COL18A1: variants seen among roughly 807,000 people sequenced by gnomAD.
COL18A1 encodes collagen type XVIII alpha 1 chain.
In COL18A1, 133 loss-of-function variants were observed where a neutral mutation model predicts 168.0. The observed-to-expected ratio is 0.79, with a 90% confidence interval of 0.69 to 0.91. The LOEUF is 0.91. Among genes scored for constraint, COL18A1 ranks in the 40% least tolerant of loss-of-function variants. COL18A1 has a pLI of 0.00. For missense variants in COL18A1, 2,126 were observed against 1,925.4 expected, an observed-to-expected ratio of 1.10 and a Z score of -1.95; for synonymous variants, 949 against 809.0, an observed-to-expected ratio of 1.17 and a Z score of -2.94.
In COL18A1 at chr21:45,481,853, T is replaced by TCTGTGTC. The variant is rs1425260598; in HGVS notation, c.1612-106_1612-100dup. On this transcript the variant is annotated intron_variant, in intron 13 of 41. Transcript: ENST00000651438. ...CTCTGGCCCTGTGTCTGGGGAACGT[T>TCTGTGTC]CTGTGTCCTGCCTTCTGGAAACCTG... is the stretch of plus-strand genomic sequence containing the variant. 6 of 799,040 alleles carry TCTGTGTC rather than the reference T, an allele frequency of 7.5e-6. No individual in the cohort carries two copies. The Admixed American group carries it at 7.9e-5, about 11-fold the overall frequency. The allele number at this position is 799,040 out of a possible 1,614,324, so 49.5% of individuals were successfully genotyped here.
chr21:45,507,251 C>T, intron 37 of COL18A1: 1 of 450,210 alleles, frequency 2.2e-6, no homozygotes, highest in East Asian at 4.2e-5. Context: ...GAGGTGGGTG[C>T]TGGGCAGGGA....
At chr21:45,478,097 C>T in intron 8 of COL18A1, 132 bp downstream of exon 8, 1 of 740,528 alleles carries the variant, frequency 1.4e-6, no homozygotes, top group Non-Finnish European at 2.3e-6. Flanking sequence ...TCCTTAGGCC[C>T]ACCGTTGCTC....
rs1206488535 is a variant in COL18A1 at position 45,509,373 on chromosome 21, C to G, written c.3267C>G (p.Ala1089=). 6.5e-7 allele frequency: 1 copy of G among 1,543,864 alleles called. No homozygotes were observed. Among genetic ancestry groups the G allele is most frequent in the African/African-American group, 1.4e-5 (1 of 72,982 alleles). Reference sequence around the variant, plus strand: ...ACCTGCAGGACAATGAAGTGGCCGCCTTGCAGCCCCCCGTGGTGCAGCTGC... The same window carrying G: ...ACCTGCAGGACAATGAAGTGGCCGCGTTGCAGCCCCCCGTGGTGCAGCTGC... The part of the protein sequence containing the change: ...LPRGTDNEVA[A]LQPPVVQLHD... The change falls in exon 39 of 42, where the codon GCC becomes GCG. Residue 1089 remains alanine (A), a synonymous_variant. Coordinates refer to ENST00000651438, the MANE Select transcript of COL18A1 (RefSeq NM_001379500.1).
chr21:45,447,811 C>A (rs1170194599), intron 2 of COL18A1, among the ~76,000 whole-genome samples: 1 of 152,114 alleles, frequency 6.6e-6, no homozygotes, highest in African/African-American at 2.4e-5. Context: ...ACATTGAGGT[C>A]TTTTGGTTCG....
chr21:45,495,033 C>A lies in COL18A1; in HGVS notation c.2433+118C>A, dbSNP rs935186958. The A allele has an allele frequency of 8.7e-6, 8 of 919,506 alleles. No homozygotes were observed. The African/African-American group carries it at 1.2e-4, about 13-fold the overall frequency. The allele number at this position is 919,506 out of a possible 1,614,324, so 57.0% of individuals were successfully genotyped here. On this transcript the variant is annotated intron_variant, in intron 28 of 41. Transcript: ENST00000651438. ...GTGGACGGCCGCCGCACCCACTGTCCTCCCCCAAGAACCGGCCCTGCCTGA... is the reference window on the plus strand; with the variant it reads ...GTGGACGGCCGCCGCACCCACTGTCATCCCCCAAGAACCGGCCCTGCCTGA...
chr21:45,470,759 T>C (rs1417936327), intron 3 of COL18A1, among the ~76,000 whole-genome samples: 1 of 152,222 alleles, frequency 6.6e-6, no homozygotes, highest in African/African-American at 2.4e-5. Context: ...AGTGCTGGGA[T>C]TACAGGCGTG....
intron 13 of COL18A1, 103 bp from the exon 14 acceptor site, chr21:45,481,860 C>G: frequency 1.2e-6 from 1 of 831,006 alleles, no homozygotes; most frequent in Non-Finnish European, 2.1e-6. Context: ...CGTTCTGTGT[C>G]CTGCCTTCTG....
chr21:45,496,903 C>G, intron 30 of COL18A1, 147 bp from the exon 31 acceptor site: 1 of 707,686 alleles, frequency 1.4e-6, no homozygotes, highest in Non-Finnish European at 2.6e-6. Context: ...CTCTCCGTAC[C>G]CCTGTTCCCT....
intron 2 of COL18A1, chr21:45,409,884 G>C (rs1045285828): frequency 6.6e-6 from 1 of 152,304 alleles, no homozygotes; most frequent in Admixed American, 6.5e-5. Flanking sequence ...CCCAGGCAGG[G>C]AGCTGATCTG....
At chr21:45,437,982 ACT>A (rs1163928123) in intron 2 of COL18A1, among the ~76,000 whole-genome samples, 1 of 77,524 alleles carries the variant, frequency 1.3e-5, no homozygotes, top group Non-Finnish European at 2.3e-5. Flanking sequence ...ACACTCACAC[ACT>A]CAGACACACA....
At chr21:45,456,806 G>A (rs550586818) in intron 2 of COL18A1, 13 of 1,538,534 alleles carry the variant, frequency 8.4e-6, no homozygotes, top group East Asian at 2.5e-5. Context: ...CCTGGGCGGG[G>A]GCCGGCTGCC....
At chr21:45,492,663 C>G in intron 23 of COL18A1, 24 bp from the exon 24 acceptor site, 1 of 1,611,484 alleles carries the variant, frequency 6.2e-7, no homozygotes, top group African/African-American at 1.3e-5. Flanking sequence ...ATGACCCCAG[C>G]TGACGCCGTC....
At position 45,489,540 on chromosome 21, in the gene COL18A1, T is replaced by A; in HGVS notation, c.1959+19T>A. 1 of 1,564,040 alleles carries A rather than the reference T, an allele frequency of 6.4e-7. No homozygotes were observed. Among genetic ancestry groups the A allele is most frequent in the Non-Finnish European group, 8.7e-7 (1 of 1,147,982 alleles). ...GGCGAAGGTAAGCGCTGTGCCCGGG[T>A]TCAGGGACGTGGCCAGGCAGAGGCA... On this transcript the variant is annotated intron_variant, in intron 19 of 41. Transcript: ENST00000651438.
At chr21:45,476,706 A>G (rs2035671425) in intron 6 of COL18A1, among the ~76,000 whole-genome samples, 1 of 148,026 alleles carries the variant, frequency 6.8e-6, no homozygotes, top group Admixed American at 6.7e-5. Flanking sequence ...TGTTTATGTG[A>G]TGTGTATGTA....
intron 26 of COL18A1, chr21:45,494,201 T>G: frequency 6.1e-6 from 3 of 488,220 alleles, no homozygotes; most frequent in East Asian, 3.8e-5. Flanking sequence ...CAGCTGTGCA[T>G]TGGAGCTGGG....
Position 45,468,773 on chromosome 21 carries a change from C to A in COL18A1, c.638C>A (p.Pro213His). The A allele has an allele frequency of 1.3e-6, 2 of 1,598,436 alleles. No homozygotes were observed. The highest frequency in any genetic ancestry group is 2.2e-5 in the East Asian group (1 of 44,730). Residue 213 changes from proline (P) to histidine (H), a missense_variant, in exon 3 of 42, where the codon CCT becomes CAT. By Grantham distance (77) the Pro-to-His change is moderately conservative. Coordinates refer to ENST00000651438, the MANE Select transcript of COL18A1 (RefSeq NM_001379500.1). ...LFVAQAGGAD[P>H]DKFQGVIAEL... The stretch of plus-strand genomic sequence containing the variant: ...GTGGCTCAGGCGGGGGGAGCGGACC[C>A]TGACAAGTTCCAGGTAACCCCCACT...
At chr21:45,435,211 G>T (rs555061276) in intron 2 of COL18A1, among the ~76,000 whole-genome samples, 2 of 142,090 alleles carry the variant, frequency 1.4e-5, no homozygotes, top group Non-Finnish European at 3.1e-5. Flanking sequence ...GTAGGGGGTC[G>T]ATGGGAGGAA....
At chr21:45,445,167 TG>T (rs1487591180) in intron 2 of COL18A1, among the ~76,000 whole-genome samples, 1 of 152,212 alleles carries the variant, frequency 6.6e-6, no homozygotes, top group African/African-American at 2.4e-5. Context: ...TTTCTGTCCC[TG>T]GGTTCCGTCT....
chr21:45,505,486 G>T lies in COL18A1; in HGVS notation c.3087+55G>T, dbSNP rs1370063170. ...TGCGTCCCGTGCCCTGGCTGGTTCT[G>T]CAGCCCCTGCCCCTCAGAGACACTC... On this transcript the variant is annotated intron_variant, in intron 36 of 41. Coordinates refer to ENST00000651438, the MANE Select transcript of COL18A1 (RefSeq NM_001379500.1). 2.3e-5 allele frequency: 21 copies of T among 907,790 alleles called. No homozygotes were observed. In the South Asian group the frequency reaches 2.9e-4, roughly 13 times the overall value. The allele number at this position is 907,790 out of a possible 1,614,324, so 56.2% of individuals were successfully genotyped here. A position where few individuals can be genotyped will look rare whatever the true frequency, so the allele number is the denominator to read the frequency against.
Sources: gnomAD v4.1 joint callset for allele counts (sites outside exome capture counted in the v4.1 genomes callset) on GRCh38, gnomAD v4.1.1 for gene constraint, MANE v1.5 for transcripts, NCBI Gene and HGNC (gene_info 2026-07-23, HGNC 2026-07-21) for gene names.